The following ZNF548 variants were observed in gnomAD, a reference collection of about 807,000 sequenced individuals.
The protein encoded by ZNF548 is zinc finger protein 548.
Under a neutral mutation model 10.2 loss-of-function variants are expected in ZNF548, and 10 were observed. The observed-to-expected ratio is 0.98, with a 90% CI of 0.60 to 1.66. The LOEUF is 1.66. Ranked by LOEUF, ZNF548 falls within the 40% of genes most tolerant of loss-of-function variation. ZNF548 has a pLI of 0.00. For missense variants in ZNF548, 599 were observed against 657.0 expected, an observed-to-expected ratio of 0.91 and a Z score of 0.97; for synonymous variants, 217 against 223.5, an observed-to-expected ratio of 0.97 and a Z score of 0.26.
Position 57,399,414 on chromosome 19 carries a change from A to G in ZNF548, c.1163A>G (p.Tyr388Cys), listed in dbSNP as rs745814830. ...AGTGTATGTGGGGAATTGTTTAGGT[A>G]CAACTCCAGCCTTGTTAAACATTGG... ...ECSVCGELFR[Y>C]NSSLVKHWRN... The change falls in exon 4 of 4, where the codon TAC becomes TGC. Residue 388 changes from tyrosine to cysteine, a missense_variant. Coordinates refer to ENST00000336128, the MANE Select transcript of ZNF548 (RefSeq NM_001172773.2). This position sits in a 1 kb window ranked among gnomAD's most constrained non-coding sequence, Gnocchi z 4.0. The G allele has an allele frequency of 1.2e-5, 20 of 1,614,114 alleles. No individual in the cohort carries two copies. Among genetic ancestry groups the G allele is most frequent in the Non-Finnish European group, 1.6e-5 (19 of 1,180,056 alleles).
rs199566402 is a variant in ZNF548, at chr19:57,398,748, C to A, written c.497C>A (p.Thr166Lys). The stretch of plus-strand genomic sequence containing the variant: ...GTTCACATGGCAGAGGAGATCTTCA[C>A]ATGCATGGAGGGCTGGAAGGACTTA... ...HRVHMAEEIFTCMEGWKDLPA... is the reference protein window; with the variant it reads ...HRVHMAEEIFKCMEGWKDLPA... The change falls in exon 4 of 4, where the codon ACA becomes AAA. Residue 166 changes from threonine (T) to lysine (K), a missense_variant. By Grantham distance (78) the Thr-to-Lys change is moderately conservative. Transcript: ENST00000336128. 36 of 1,614,070 alleles carry A rather than the reference C, an allele frequency of 2.2e-5. 1 individual carries two copies. Among genetic ancestry groups the A allele is most frequent in the Middle Eastern group, 1.6e-4 (1 of 6,062 alleles).
intron 2 of ZNF548, 78 bp downstream of exon 2, chr19:57,394,301 C>G: frequency 7.0e-7 from 1 of 1,437,070 alleles, no homozygotes; most frequent in Non-Finnish European, 9.5e-7. Context: ...AACCTCTTTT[C>G]CTGTCTTTCT....
intron 1 of ZNF548, chr19:57,390,378 G>T (rs778809105): frequency 2.7e-4 from 107 of 395,796 alleles, no homozygotes; most frequent in Middle Eastern, 2.6e-3. Flanking sequence ...GTGAATTCTC[G>T]CTTGGAATGG....
chr19:57,397,085 C>T lies in ZNF548; in HGVS notation c.89C>T (p.Ser30Phe). ...VVFEDVAIYF[S>F]QEEWGHLDEA... ...TTTGAGGACGTGGCCATATATTTCT[C>T]CCAGGAGGAGTGGGGGCACCTTGAT... The change falls in exon 3 of 4, where the codon TCC (serine) becomes TTC (phenylalanine). Residue 30 changes from serine to phenylalanine, a missense_variant. Physicochemically the swap from Ser to Phe is radical, Grantham distance 155. Transcript: ENST00000336128. 1 of 1,613,420 alleles carries T rather than the reference C, an allele frequency of 6.2e-7. No homozygotes were observed. The highest frequency in any genetic ancestry group is 8.5e-7 in the Non-Finnish European group (1 of 1,179,626).
In ZNF548 at chr19:57,401,564, C is replaced by G. The variant is rs2088716925; in HGVS notation, c.*1675C>G. 6.6e-6 allele frequency: 1 copy of G among 152,054 alleles called. No homozygotes were observed. Among genetic ancestry groups the G allele is most frequent in the East Asian group, 1.9e-4 (1 of 5,192 alleles). The allele number at this position is 152,054 out of a possible 1,614,324, so 9.4% of individuals were successfully genotyped here. A position where few individuals can be genotyped will look rare whatever the true frequency, so the allele number is the denominator to read the frequency against. Reference sequence around the variant, plus strand: ...TGGTATCCACAAGGGGTCCTGGAATCAGTCCCCCACAGACACCAAGGGATG... The same window carrying G: ...TGGTATCCACAAGGGGTCCTGGAATGAGTCCCCCACAGACACCAAGGGATG... On this transcript the variant is annotated 3_prime_UTR_variant, in exon 4 of 4. Transcript: ENST00000336128.
chr19:57,390,031 G>A lies in ZNF548; in HGVS notation c.-69G>A. 1 of 1,581,188 alleles carries A rather than the reference G, an allele frequency of 6.3e-7. No individual in the cohort carries two copies. Among genetic ancestry groups the A allele is most frequent in the East Asian group, 2.2e-5 (1 of 44,694 alleles). On this transcript the variant is annotated 5_prime_UTR_variant, in exon 1 of 4. Coordinates refer to ENST00000336128, the MANE Select transcript of ZNF548 (RefSeq NM_001172773.2). ...TCAACTGACAAGCGCTGGGGACAGT[G>A]GCGTCCTTGTCTTGCCTTTGTCGCT...
intron 1 of ZNF548, among the ~76,000 whole-genome samples, chr19:57,391,765 A>G (rs2088626742): frequency 6.6e-6 from 1 of 151,342 alleles, no homozygotes; most frequent in Non-Finnish European, 1.5e-5. Flanking sequence ...CTTCTTTTTG[A>G]AAAATGTCTG....
chr19:57,401,323 A>G lies in ZNF548; in HGVS notation c.*1434A>G, dbSNP rs963209184. 10 of 152,206 alleles carry G rather than the reference A, an allele frequency of 6.6e-5. No individual in the cohort carries two copies. The highest frequency in any genetic ancestry group is 2.6e-4 in the Admixed American group (4 of 15,278). The allele number at this position is 152,206 out of a possible 1,614,324, so 9.4% of individuals were successfully genotyped here. On this transcript the variant is annotated 3_prime_UTR_variant, in exon 4 of 4. Coordinates refer to ENST00000336128, the MANE Select transcript of ZNF548 (RefSeq NM_001172773.2). ...ATCATTAATCAAAAATATTTGGAAA[A>G]CAAAAAGGGTAGTTGCATCTGTACT...
intron 1 of ZNF548, among the ~76,000 whole-genome samples, chr19:57,392,030 C>T (rs993729065): frequency 6.6e-6 from 1 of 151,900 alleles, no homozygotes; most frequent in African/African-American, 2.4e-5. Context: ...AACTCCTGAC[C>T]TCAGGTGATC....
At position 57,399,646 on chromosome 19, in the gene ZNF548, G is replaced by A; in HGVS notation, c.1395G>A (p.Glu465=). The A allele has an allele frequency of 6.2e-7, 1 of 1,613,962 alleles. No homozygotes were observed. Among genetic ancestry groups the A allele is most frequent in the Non-Finnish European group, 8.5e-7 (1 of 1,179,958 alleles). ...HTGERPYECR[E]CGKAFSHKHI... ...GAGAAAGGCCTTACGAGTGCAGAGA[G>A]TGTGGGAAAGCCTTTAGCCACAAGC... is the stretch of plus-strand genomic sequence containing the variant. The change falls in exon 4 of 4, where the codon GAG becomes GAA. Residue 465 remains glutamate, a synonymous_variant. Coordinates refer to ENST00000336128, the MANE Select transcript of ZNF548 (RefSeq NM_001172773.2). This position sits in a 1 kb window ranked among gnomAD's most constrained non-coding sequence, Gnocchi z 4.0.
In ZNF548 at chr19:57,397,052, G is replaced by C; in HGVS notation, c.56G>C (p.Arg19Pro). The C allele has an allele frequency of 6.2e-7, 1 of 1,609,228 alleles. No individual in the cohort carries two copies. The highest frequency in any genetic ancestry group is 8.5e-7 in the Non-Finnish European group (1 of 1,178,144). ...TCATCTTTCCCAATTTGGCAGGGCC[G>C]TGTGGTCTTTGAGGACGTGGCCATA... ...AMAEMDPTQG[R>P]VVFEDVAIYF... Residue 19 changes from arginine to proline, a missense_variant, in exon 3 of 4, where the codon CGT (arginine) becomes CCT (proline). Physicochemically the swap from Arg to Pro is moderately radical, Grantham distance 103. Coordinates refer to ENST00000336128, the MANE Select transcript of ZNF548 (RefSeq NM_001172773.2).
In ZNF548 at chr19:57,399,226, A is replaced by G. The variant is rs575526949; in HGVS notation, c.975A>G (p.Glu325=). 1.1e-5 allele frequency: 18 copies of G among 1,613,956 alleles called. No homozygotes were observed. The highest frequency in any genetic ancestry group is 1.1e-4 in the South Asian group (10 of 91,084). The change falls in exon 4 of 4, where the codon GAA becomes GAG. Residue 325 remains glutamate (E), a synonymous_variant. Transcript: ENST00000336128. This position sits in a 1 kb window ranked among gnomAD's most constrained non-coding sequence, Gnocchi z 4.0. ...HTGERPYECR[E]CGKFFMDSST... ...GAGAAAGGCCGTATGAGTGCAGGGA[A>G]TGTGGGAAATTCTTTATGGACAGCT... is the stretch of plus-strand genomic sequence containing the variant.
intron 1 of ZNF548, among the ~76,000 whole-genome samples, chr19:57,392,600 T>C (rs980272676): frequency 6.6e-6 from 1 of 152,234 alleles, no homozygotes; most frequent in Non-Finnish European, 1.5e-5. Context: ...GCTATAGATA[T>C]GTGGCTTTAT....
chr19:57,391,723 T>C (rs1300564274), intron 1 of ZNF548, among the ~76,000 whole-genome samples: 1 of 152,076 alleles, frequency 6.6e-6, no homozygotes, highest in East Asian at 1.9e-4. Flanking sequence ...ATGTTGAGCA[T>C]TTTTTTATAT....
In ZNF548 at chr19:57,400,281, A is replaced by G. The variant is rs2088704942; in HGVS notation, c.*392A>G. ...ACATTTATTTATCCATTCATCTGTT[A>G]GTGGATACTTGGGCTACTTCCACCT... On this transcript the variant is annotated 3_prime_UTR_variant, in exon 4 of 4. Transcript: ENST00000336128. The G allele has an allele frequency of 5.7e-6, 1 of 174,934 alleles. No homozygotes were observed. Among genetic ancestry groups the G allele is most frequent in the African/African-American group, 2.4e-5 (1 of 41,910 alleles). 10.8% of individuals were successfully genotyped at this position (174,934 alleles called of 1,614,324 possible).
chr19:57,394,045 C>A, intron 1 of ZNF548, 143 bp from the exon 2 acceptor site: 2 of 840,830 alleles, frequency 2.4e-6, no homozygotes, highest in Non-Finnish European at 3.8e-6. Context: ...GGTCACAGAG[C>A]TGCAGCACTG....
rs901171529 is a variant in ZNF548 at position 57,395,914 on chromosome 19, G to A, written c.52-1134G>A. On this transcript the variant is annotated intron_variant, in intron 2 of 3. Transcript: ENST00000336128. This position sits in a 1 kb window ranked among gnomAD's most constrained non-coding sequence, Gnocchi z 4.8. ...CATGGTTTGGGCAGCTGACAGTGAA[G>A]TGAGAAACAGGGCCGTGTAGGGAAC... Among the ~76,000 whole-genome samples the A allele has an allele frequency of 1.3e-5, 2 of 152,202 alleles. No individual in the cohort carries two copies. The highest frequency in any genetic ancestry group is 2.4e-5 in the African/African-American group (1 of 41,448).
At chr19:57,396,782 G>T (rs1054234014) in intron 2 of ZNF548, 40 of 386,012 alleles carry the variant, frequency 1.0e-4, no homozygotes, top group African/African-American at 7.0e-4. Flanking sequence ...AGGATAGTTT[G>T]GCTAGTTTAA....
At chr19:57,392,908 G>T in intron 1 of ZNF548, 2 of 985,512 alleles carry the variant, frequency 2.0e-6, no homozygotes, top group Non-Finnish European at 2.4e-6. Flanking sequence ...GGCATAACAG[G>T]GATTCTGGAT....
Sources: allele counts gnomAD v4.1 joint callset (sites outside exome capture counted in the v4.1 genomes callset), GRCh38; gene constraint gnomAD v4.1.1; non-coding constraint Gnocchi (gnomAD v3.1); transcripts MANE v1.5; gene names NCBI Gene and HGNC (gene_info 2026-07-23, HGNC 2026-07-21).